ZNF639: variants seen among roughly 807,000 people sequenced by gnomAD.
The protein encoded by ZNF639 is zinc finger protein 639.
Under a neutral mutation model 39.8 loss-of-function variants are expected in ZNF639, and 20 were observed. That is an observed-to-expected ratio of 0.50 (90% CI 0.35 to 0.73). The LOEUF (loss-of-function observed/expected upper bound fraction) is 0.73. ZNF639 is among the 30% of genes least tolerant of loss of function. The probability of loss-of-function intolerance (pLI) is 0.00; values close to 1 mark genes in which losing one functional copy is unlikely to be tolerated. For missense variants in ZNF639, 477 were observed against 566.2 expected, an observed-to-expected ratio of 0.84 and a Z score of 1.60; for synonymous variants, 176 against 189.8, an observed-to-expected ratio of 0.93 and a Z score of 0.60.
chr3:179,326,482 A>G (rs1021376510), intron 1 of ZNF639, among the ~76,000 whole-genome samples: 27 of 152,262 alleles, frequency 1.8e-4, no homozygotes, highest in African/African-American at 6.5e-4. Flanking sequence ...AACAGGAACT[A>G]TAATTTTGAG....
At chr3:179,327,861 A>G (rs1045984626) in intron 2 of ZNF639, 1 of 153,384 alleles carries the variant, frequency 6.5e-6, no homozygotes, top group African/African-American at 2.4e-5. Context: ...TTTAAAGGAA[A>G]TGTCTCCGCC....
rs776599584 is a variant in ZNF639 at position 179,333,894 on chromosome 3, G to A, written c.930G>A (p.Glu310=). ...GTGAACTCTACCTACATTTCCAGGA[G>A]CACAGCTGTGATGAACAGTACTTGT... The part of the protein sequence containing the change: ...SSSELYLHFQ[E]HSCDEQYLCQ... Residue 310 remains glutamate (E), a synonymous_variant, in exon 6 of 6, where the codon GAG becomes GAA. Coordinates refer to ENST00000496856, the MANE Select transcript of ZNF639 (RefSeq NM_001303426.2). The A allele has an allele frequency of 1.8e-5, 29 of 1,614,024 alleles. No homozygotes were observed. Among genetic ancestry groups the A allele is most frequent in the Non-Finnish European group, 2.5e-5 (29 of 1,180,030 alleles).
chr3:179,328,422 C>T (rs1464478443), intron 3 of ZNF639, 71 bp downstream of exon 3: 2 of 1,105,968 alleles, frequency 1.8e-6, no homozygotes, highest in Admixed American at 2.4e-5. Flanking sequence ...TCCATTTTCT[C>T]CTAAGTGATC....
Position 179,328,315 on chromosome 3 carries a change from A to C in ZNF639, c.22A>C (p.Arg8=). The stretch of plus-strand genomic sequence containing the variant: ...AGATATGAATGAGTATCCTAAAAAA[A>C]GAAAAAGGAAGACTCTACACCCTTC... The part of the protein sequence containing the change: MNEYPKK[R]KRKTLHPSRY... Residue 8 remains arginine (R), a synonymous_variant, in exon 3 of 6, where the codon AGA becomes CGA. Coordinates refer to ENST00000496856, the MANE Select transcript of ZNF639 (RefSeq NM_001303426.2). The C allele has an allele frequency of 6.3e-7, 1 of 1,586,328 alleles. No homozygotes were observed. The highest frequency in any genetic ancestry group is 1.2e-5 in the South Asian group (1 of 86,812).
intron 4 of ZNF639, 122 bp from the exon 5 acceptor site, chr3:179,332,867 C>CT: frequency 7.5e-7 from 1 of 1,329,926 alleles, no homozygotes; most frequent in Non-Finnish European, 9.9e-7. Flanking sequence ...CTTTTTATGA[C>CT]TAAATCCAAG....
chr3:179,330,353 G>T (rs1016327377), intron 4 of ZNF639, among the ~76,000 whole-genome samples: 13 of 152,152 alleles, frequency 8.5e-5, no homozygotes, highest in African/African-American at 2.4e-4. Context: ...CATGGATTAT[G>T]GCTGACTGCA....
In ZNF639 at chr3:179,329,604, C is replaced by T; in HGVS notation, c.59-14C>T. On this transcript the variant is annotated splice_polypyrimidine_tract_variant and intron_variant, in intron 3 of 5. Transcript: ENST00000496856. ...TGTTTACTGTACTTGAAATATTTTT[C>T]ATTTTATGTTCAGATTCCTCTGGAA... 3 of 1,487,906 alleles carry T rather than the reference C, an allele frequency of 2.0e-6. No individual in the cohort carries two copies. The highest frequency in any genetic ancestry group is 2.8e-6 in the Non-Finnish European group (3 of 1,074,084). 92.2% of individuals were successfully genotyped at this position (1,487,906 alleles called of 1,614,324 possible). A position where few individuals can be genotyped will look rare whatever the true frequency, so the allele number is the denominator to read the frequency against.
At chr3:179,331,650 C>T (rs1474222664) in intron 4 of ZNF639, among the ~76,000 whole-genome samples, 1 of 151,876 alleles carries the variant, frequency 6.6e-6, no homozygotes. Flanking sequence ...TGGTGCGTGC[C>T]TGTAATCCCA....
At chr3:179,331,879 G>A (rs1219493996) in intron 4 of ZNF639, among the ~76,000 whole-genome samples, 1 of 151,552 alleles carries the variant, frequency 6.6e-6, no homozygotes, top group Non-Finnish European at 1.5e-5. Context: ...CATATTGATA[G>A]TATGTACCCT....
Position 179,333,385 on chromosome 3 carries a change from G to T in ZNF639, c.421G>T (p.Ala141Ser). Reference protein sequence around the residue: ...EVHTAEDVPIAVEVHAISEDY... With the variant: ...EVHTAEDVPISVEVHAISEDY... ...TCACACTGCTGAAGATGTTCCAATTGCTGTAGAAGTGCATGCGATTTCTGA... is the reference window on the plus strand; with the variant it reads ...TCACACTGCTGAAGATGTTCCAATTTCTGTAGAAGTGCATGCGATTTCTGA... The change falls in exon 6 of 6, where the codon GCT becomes TCT. Residue 141 changes from alanine to serine, a missense_variant. Transcript: ENST00000496856. 4 of 1,614,098 alleles carry T rather than the reference G, an allele frequency of 2.5e-6. No individual in the cohort carries two copies. The highest frequency in any genetic ancestry group is 3.4e-6 in the Non-Finnish European group (4 of 1,180,004).
Position 179,327,624 on chromosome 3 carries a change from T to G in ZNF639, c.-19T>G, listed in dbSNP as rs1727670671. 1 of 152,252 alleles carries G rather than the reference T, an allele frequency of 6.6e-6. No individual in the cohort carries two copies. The highest frequency in any genetic ancestry group is 1.5e-5 in the Non-Finnish European group (1 of 68,056). 9.4% of individuals were successfully genotyped at this position (152,252 alleles called of 1,614,324 possible). A position where few individuals can be genotyped will look rare whatever the true frequency, so the allele number is the denominator to read the frequency against. ...TTTTCCTCACTCCAGTAGTAAGAAT[T>G]ATACCAAGTAAGTGGACTGTATTGA... On this transcript the variant is annotated 5_prime_UTR_variant, in exon 2 of 6. It adds an upstream start codon to the 5' untranslated region. Transcript: ENST00000496856.
At position 179,334,062 on chromosome 3, in the gene ZNF639, C is replaced by G. The variant is rs575417230; in HGVS notation, c.1098C>G (p.Thr366=). The change falls in exon 6 of 6, where the codon ACC becomes ACG. Residue 366 remains threonine, a synonymous_variant. Coordinates refer to ENST00000496856, the MANE Select transcript of ZNF639 (RefSeq NM_001303426.2). Reference sequence around the variant, plus strand: ...AGTATAGCCTCTTAAGCAAAATTACCTTTGACAAATGTAAAAACTTCTTTG... The same window carrying G: ...AGTATAGCCTCTTAAGCAAAATTACGTTTGACAAATGTAAAAACTTCTTTG... ...HGQYSLLSKI[T]FDKCKNFFVC... 1.2e-5 allele frequency: 19 copies of G among 1,613,486 alleles called. No homozygotes were observed. Among genetic ancestry groups the G allele is most frequent in the Non-Finnish European group, 1.6e-5 (19 of 1,179,776 alleles).
At chr3:179,328,164 T>C in intron 2 of ZNF639, 119 bp from the exon 3 acceptor site, 1 of 571,352 alleles carries the variant, frequency 1.8e-6, no homozygotes, top group Non-Finnish European at 3.1e-6. Context: ...TCTTATACCA[T>C]AGATTTTCAG....
At chr3:179,330,239 A>T (rs73043426) in intron 4 of ZNF639, among the ~76,000 whole-genome samples, 1 of 151,780 alleles carries the variant, frequency 6.6e-6, no homozygotes, top group Non-Finnish European at 1.5e-5. Flanking sequence ...ATTATTTCTG[A>T]CATATAAATA....
At chr3:179,332,104 G>A (rs1727950822) in intron 4 of ZNF639, among the ~76,000 whole-genome samples, 1 of 152,126 alleles carries the variant, frequency 6.6e-6, no homozygotes, top group South Asian at 2.1e-4. Flanking sequence ...TGGTATCCTG[G>A]AACAGAAAAG....
chr3:179,333,996 A>G lies in ZNF639; in HGVS notation c.1032A>G (p.Leu344=). ...SHVVNEHACK[L]IELSDKYNNG... ...TGGTAAATGAGCATGCATGTAAATT[A>G]ATAGAGTTAAGTGATAAGTATAACA... is the stretch of plus-strand genomic sequence containing the variant. Residue 344 remains leucine (L), a synonymous_variant, in exon 6 of 6, where the codon TTA becomes TTG. Coordinates refer to ENST00000496856, the MANE Select transcript of ZNF639 (RefSeq NM_001303426.2). The G allele has an allele frequency of 1.9e-6, 3 of 1,614,186 alleles. No homozygotes were observed. Among genetic ancestry groups the G allele is most frequent in the East Asian group, 2.2e-5 (1 of 44,882 alleles).
At chr3:179,324,237 A>G (rs1727453948) in intron 1 of ZNF639, among the ~76,000 whole-genome samples, 1 of 152,192 alleles carries the variant, frequency 6.6e-6, no homozygotes, top group Non-Finnish European at 1.5e-5. Flanking sequence ...ACGTTTATCT[A>G]TTTGATGATT....
Position 179,333,346 on chromosome 3 carries a change from A to G in ZNF639, c.382A>G (p.Ser128Gly). 1 of 1,614,042 alleles carries G rather than the reference A, an allele frequency of 6.2e-7. No individual in the cohort carries two copies. Among genetic ancestry groups the G allele is most frequent in the Non-Finnish European group, 8.5e-7 (1 of 1,179,974 alleles). ...ESVNQQTQEE[S>G]PIEVHTAEDV... ...AGTCAACCAGCAAACCCAAGAGGAG[A>G]GTCCTATAGAAGTTCACACTGCTGA... is the stretch of plus-strand genomic sequence containing the variant. Residue 128 changes from serine to glycine, a missense_variant, in exon 6 of 6, where the codon AGT becomes GGT. By Grantham distance (56) the Ser-to-Gly change is moderately conservative (BLOSUM62 0). Transcript: ENST00000496856.
chr3:179,333,810 C>G lies in ZNF639; in HGVS notation c.846C>G (p.Thr282=), dbSNP rs765820266. 7 of 1,614,092 alleles carry G rather than the reference C, an allele frequency of 4.3e-6. No individual in the cohort carries two copies. In the East Asian group the frequency reaches 1.1e-4, roughly 26 times the overall value. The part of the protein sequence containing the change: ...FENLSQHIAD[T]HFSDHLYWCE... ...ACCTCAGCCAGCACATTGCAGACAC[C>G]CATTTTAGTGATCACCTCTATTGGT... Residue 282 remains threonine (T), a synonymous_variant, in exon 6 of 6, where the codon ACC becomes ACG. Coordinates refer to ENST00000496856, the MANE Select transcript of ZNF639 (RefSeq NM_001303426.2).
Sources: gnomAD v4.1 joint callset for allele counts (sites outside exome capture counted in the v4.1 genomes callset) on GRCh38, gnomAD v4.1.1 for gene constraint, MANE v1.5 for transcripts, NCBI Gene and HGNC (gene_info 2026-07-23, HGNC 2026-07-21) for gene names.